The following SLC9C1 variants were observed in gnomAD, a reference collection of about 807,000 sequenced individuals.
SLC9C1 encodes the protein sodium/hydrogen exchanger 10.
In SLC9C1, 97 loss-of-function variants were observed where a neutral mutation model predicts 140.9. That is an observed-to-expected ratio of 0.69 (90% CI 0.58 to 0.82). SLC9C1 has a LOEUF of 0.82. Ranked by LOEUF, SLC9C1 falls within the 40% of genes least tolerant of loss-of-function variation. The pLI is 0.00. For missense variants in SLC9C1, 1,340 were observed against 1,389.3 expected, an observed-to-expected ratio of 0.96 and a Z score of 0.56; for synonymous variants, 440 against 442.6, an observed-to-expected ratio of 0.99 and a Z score of 0.07.
rs574223539 is a variant in SLC9C1, at chr3:112,236,655, C to T, written c.1446+3185G>A. On this transcript the variant is annotated intron_variant, in intron 12 of 28. Coordinates refer to ENST00000305815, the MANE Select transcript of SLC9C1 (RefSeq NM_183061.3). ...ACTGCTTTGAATGTGTCCCAGAGAT[C>T]CTGGTATGTTGTGTCTTTGTTCTCA... Among the ~76,000 whole-genome samples, 8 of 152,178 alleles carry T rather than the reference C, an allele frequency of 5.3e-5. No individual in the cohort carries two copies. In the East Asian group the frequency reaches 1.4e-3, roughly 26 times the overall value.
rs201829027 is a variant in SLC9C1, at chr3:112,151,924, G to T, written c.3457C>A (p.Pro1153Thr). Residue 1153 changes from proline (P) to threonine (T), a missense_variant, in exon 28 of 29, where the codon CCT (proline) becomes ACT (threonine). Pro to Thr is a conservative substitution (Grantham distance 38). Transcript: ENST00000305815. ...AACTTTGTCCCCAGCAGGGAGCAAGGCTGGGGACTCCTGGCAGTGGCGGCA... is the reference window on the plus strand; with the variant it reads ...AACTTTGTCCCCAGCAGGGAGCAAGTCTGGGGACTCCTGGCAGTGGCGGCA... ...HSAATARSPQ[P>T]CSLLGTKFNC... is the part of the protein sequence containing the mutation. 7.6e-5 allele frequency: 122 copies of T among 1,605,654 alleles called. No homozygotes were observed. Among genetic ancestry groups the T allele is most frequent in the Non-Finnish European group, 1.4e-5 (16 of 1,177,820 alleles).
chr3:112,242,935 A>G (rs6773916), intron 11 of SLC9C1, among the ~76,000 whole-genome samples: 89,870 of 151,988 alleles, frequency 0.59, 27,094 homozygotes, highest in East Asian at 0.79. Context: ...ATCACTAATC[A>G]TAAAAGAAAT....
chr3:112,257,059 C>T (rs1376157506), intron 10 of SLC9C1, among the ~76,000 whole-genome samples: 3 of 152,092 alleles, frequency 2.0e-5, no homozygotes, highest in African/African-American at 7.2e-5. Context: ...AGAGATGACA[C>T]AAATGAATGG....
chr3:112,155,092 G>A (rs1429987248), intron 26 of SLC9C1, 43 bp from the exon 27 acceptor site: 10 of 1,515,050 alleles, frequency 6.6e-6, no homozygotes, highest in Admixed American at 3.6e-5. Flanking sequence ...AACCACTGAA[G>A]CAAGTGACTA....
At chr3:112,281,215 G>C (rs1167585275) in intron 2 of SLC9C1, among the ~76,000 whole-genome samples, 1 of 152,190 alleles carries the variant, frequency 6.6e-6, no homozygotes, top group African/African-American at 2.4e-5. Context: ...AGTGGGTTTT[G>C]CTGCAACTGG....
intron 1 of SLC9C1, among the ~76,000 whole-genome samples, chr3:112,292,101 G>A (rs775620278): frequency 1.3e-5 from 2 of 152,094 alleles, no homozygotes; most frequent in Admixed American, 6.6e-5. Context: ...GGAATACACT[G>A]GGGCCTACTT....
intron 24 of SLC9C1, 51 bp from the exon 25 acceptor site, chr3:112,169,113 A>G: frequency 6.4e-7 from 1 of 1,572,070 alleles, no homozygotes; most frequent in Non-Finnish European, 8.6e-7. Context: ...GAAGTTCAGT[A>G]TATATTCATA....
At chr3:112,200,354 G>C (rs2077875511) in intron 19 of SLC9C1, among the ~76,000 whole-genome samples, 1 of 152,044 alleles carries the variant, frequency 6.6e-6, no homozygotes, top group African/African-American at 2.4e-5. Context: ...GGCAAGTAGA[G>C]GAAAAACGTA....
At chr3:112,189,351 T>C (rs573454698) in intron 20 of SLC9C1, among the ~76,000 whole-genome samples, 78 of 152,388 alleles carry the variant, frequency 5.1e-4, no homozygotes, top group Admixed American at 1.7e-3. Flanking sequence ...TCTAGAGTTT[T>C]TATGGTTTTA....
At chr3:112,234,604 G>A (rs7633982) in intron 12 of SLC9C1, among the ~76,000 whole-genome samples, 30,516 of 152,144 alleles carry the variant, frequency 0.2, 3,425 homozygotes, top group Middle Eastern at 0.26. Flanking sequence ...GGTTCTTATG[G>A]TTTTAGGTCT....
rs562921175 is a variant in SLC9C1 at position 112,269,982 on chromosome 3, C to G, written c.709G>C (p.Val237Leu). The change falls in exon 7 of 29, where the codon GTT (valine) becomes CTT (leucine). Residue 237 changes from valine to leucine, a missense_variant. By Grantham distance (32) the Val-to-Leu change is conservative. Transcript: ENST00000305815. ...SKLIQFWMST[V>L]FGDDVNHISL... The stretch of plus-strand genomic sequence containing the variant: ...ATATGATTGACATCATCACCAAAAA[C>G]AGTTGACATCCAAAATTGAATCAGT... 6.3e-7 allele frequency: 1 copy of G among 1,599,656 alleles called. No homozygotes were observed. Among genetic ancestry groups the G allele is most frequent in the Admixed American group, 1.7e-5 (1 of 57,552 alleles).
intron 10 of SLC9C1, among the ~76,000 whole-genome samples, chr3:112,251,263 G>A (rs985671514): frequency 5.9e-5 from 9 of 152,030 alleles, no homozygotes; most frequent in Non-Finnish European, 1.0e-4. Flanking sequence ...ACCCACCTAG[G>A]AGTGACACAG....
At chr3:112,267,229 T>C (rs2079942298) in intron 7 of SLC9C1, among the ~76,000 whole-genome samples, 1 of 151,966 alleles carries the variant, frequency 6.6e-6, no homozygotes, top group Non-Finnish European at 1.5e-5. Context: ...CAGTGAGCCA[T>C]GATCATGCCA....
chr3:112,272,226 A>C (rs770390717), intron 6 of SLC9C1, among the ~76,000 whole-genome samples: 4 of 152,218 alleles, frequency 2.6e-5, no homozygotes, highest in Non-Finnish European at 4.4e-5. Flanking sequence ...TGGAGTTCGA[A>C]GACCCCAGTT....
At chr3:112,167,133 A>T in intron 26 of SLC9C1, 88 bp downstream of exon 26, 2 of 1,449,750 alleles carry the variant, frequency 1.4e-6, no homozygotes, top group Middle Eastern at 3.6e-4. Context: ...TATTAGGCAG[A>T]ATGCAAACAA....
chr3:112,147,866 G>A (rs1244111750), intron 28 of SLC9C1, among the ~76,000 whole-genome samples: 3 of 152,070 alleles, frequency 2.0e-5, no homozygotes, highest in African/African-American at 4.8e-5. Flanking sequence ...TATTCTATAG[G>A]TTGTTTGACT....
intron 26 of SLC9C1, among the ~76,000 whole-genome samples, chr3:112,156,389 A>G (rs1471463957): frequency 6.6e-6 from 1 of 152,074 alleles, no homozygotes; most frequent in Non-Finnish European, 1.5e-5. Context: ...ACATACACAC[A>G]TATACACACT....
At chr3:112,200,155 G>A (rs7637682) in intron 19 of SLC9C1, among the ~76,000 whole-genome samples, 115,203 of 151,954 alleles carry the variant, frequency 0.76, 44,052 homozygotes, top group East Asian at 0.99. Context: ...CATGAACATT[G>A]TACTGTAGGG....
chr3:112,167,466 C>T (rs2077161153), intron 25 of SLC9C1, 119 bp from the exon 26 acceptor site: 1 of 932,888 alleles, frequency 1.1e-6, no homozygotes, highest in African/African-American at 1.7e-5. Flanking sequence ...AAAATATTAA[C>T]AAATCAACAC....
Sources: allele counts gnomAD v4.1 joint callset (sites outside exome capture counted in the v4.1 genomes callset), GRCh38; gene constraint gnomAD v4.1.1; transcripts MANE v1.5; gene names NCBI Gene and HGNC (gene_info 2026-07-23, HGNC 2026-07-21).